The following HNRNPLL variants were observed in gnomAD, a reference collection of about 807,000 sequenced individuals.
HNRNPLL encodes the protein heterogeneous nuclear ribonucleoprotein L-like.
A neutral mutation model predicts 67.1 loss-of-function variants in HNRNPLL; 25 were observed. That is an observed-to-expected ratio of 0.37 (90% confidence interval 0.27 to 0.52). The LOEUF (loss-of-function observed/expected upper bound fraction) is 0.52. Ranked by LOEUF, HNRNPLL falls within the 20% of genes least tolerant of loss-of-function variation. HNRNPLL has a pLI of 0.90. For synonymous variants in HNRNPLL, 267 were observed against 241.7 expected (o/e 1.10, Z -0.97); for missense variants, 542 against 673.9 (o/e 0.80, Z 2.17).
At chr2:38,580,536 A>G (rs112253048) in intron 6 of HNRNPLL, among the ~76,000 whole-genome samples, 6 of 152,286 alleles carry the variant, frequency 3.9e-5, no homozygotes, top group African/African-American at 1.4e-4. Context: ...GGTATTTTGT[A>G]TGCCATAAAA....
At chr2:38,574,077 C>T (rs1224180594) in intron 7 of HNRNPLL, among the ~76,000 whole-genome samples, 1 of 151,900 alleles carries the variant, frequency 6.6e-6, no homozygotes, top group Non-Finnish European at 1.5e-5. Context: ...GCCTGAGTAT[C>T]TAAAACTATT....
chr2:38,584,544 C>T (rs1666651165), intron 3 of HNRNPLL, among the ~76,000 whole-genome samples: 1 of 152,038 alleles, frequency 6.6e-6, no homozygotes. Flanking sequence ...AATTAATAAA[C>T]CAAAACTATA....
intron 7 of HNRNPLL, among the ~76,000 whole-genome samples, chr2:38,576,796 C>T (rs1236104501): frequency 6.6e-6 from 1 of 151,858 alleles, no homozygotes; most frequent in African/African-American, 2.4e-5. Flanking sequence ...GAGTCAATAA[C>T]TACCACTAAA....
chr2:38,584,005 T>C, intron 3 of HNRNPLL, 79 bp from the exon 4 acceptor site: 1 of 566,812 alleles, frequency 1.8e-6, no homozygotes. Flanking sequence ...TTGTTTTACC[T>C]AAAAACTATC....
rs1207657483 is a variant in HNRNPLL, at chr2:38,563,791, A to AT, written c.*390dup. 2 of 157,402 alleles carry AT rather than the reference A, an allele frequency of 1.3e-5. No homozygotes were observed. The highest frequency in any genetic ancestry group is 6.5e-5 in the Admixed American group (1 of 15,446). The allele number at this position is 157,402 out of a possible 1,614,324, so 9.8% of individuals were successfully genotyped here. ...GCAACATACTTAAACATCTAAACAT[A>AT]TAATAGGAATTCTATATTAAAATGC... On this transcript the variant is annotated 3_prime_UTR_variant, in exon 13 of 13. Transcript: ENST00000449105.
chr2:38,602,134 A>G, intron 1 of HNRNPLL: 1 of 400,828 alleles, frequency 2.5e-6, no homozygotes. Context: ...CCGAGCCGCG[A>G]AACCCCCCAG....
intron 1 of HNRNPLL, among the ~76,000 whole-genome samples, chr2:38,601,209 T>C (rs571312605): frequency 3.9e-5 from 6 of 152,186 alleles, no homozygotes; most frequent in East Asian, 1.9e-4. Flanking sequence ...GTAACAAGAC[T>C]GAGAGAAAAA....
At chr2:38,596,139 T>C (rs1280569093) in intron 1 of HNRNPLL, among the ~76,000 whole-genome samples, 1 of 152,184 alleles carries the variant, frequency 6.6e-6, no homozygotes, top group African/African-American at 2.4e-5. Flanking sequence ...CCCAACTATT[T>C]GTCTACCATC....
chr2:38,568,529 T>C (rs1282466245), intron 10 of HNRNPLL, 86 bp from the exon 11 acceptor site: 2 of 794,256 alleles, frequency 2.5e-6, no homozygotes, highest in African/African-American at 3.5e-5. Context: ...TGGCAGAATT[T>C]AAGTTTTAAT....
chr2:38,580,176 C>A (rs1003517874), intron 6 of HNRNPLL, among the ~76,000 whole-genome samples: 3 of 151,996 alleles, frequency 2.0e-5, no homozygotes, highest in African/African-American at 7.3e-5. Flanking sequence ...AAAAACAAAA[C>A]CGAGTGGTCA....
chr2:38,562,608 T>C lies in HNRNPLL; in HGVS notation c.*1574A>G, dbSNP rs1252620949. The C allele has an allele frequency of 6.6e-6, 1 of 152,156 alleles. No homozygotes were observed. Among genetic ancestry groups the C allele is most frequent in the Non-Finnish European group, 1.5e-5 (1 of 68,002 alleles). The allele number at this position is 152,156 out of a possible 1,614,324, so 9.4% of individuals were successfully genotyped here. On this transcript the variant is annotated 3_prime_UTR_variant, in exon 13 of 13. Coordinates refer to ENST00000449105, the MANE Select transcript of HNRNPLL (RefSeq NM_138394.4). ...AAGTTAGATAAACTTAGGTATTAAATTGGCAATGAATAAGAAACATACATA... is the reference window on the plus strand; with the variant it reads ...AAGTTAGATAAACTTAGGTATTAAACTGGCAATGAATAAGAAACATACATA...
chr2:38,595,033 C>G (rs1667116477), intron 1 of HNRNPLL, among the ~76,000 whole-genome samples: 1 of 151,546 alleles, frequency 6.6e-6, no homozygotes, highest in African/African-American at 2.4e-5. Flanking sequence ...TCCTAGCACT[C>G]TGGGAGGCAG....
chr2:38,567,063 A>T (rs1252278809), intron 12 of HNRNPLL, among the ~76,000 whole-genome samples: 1 of 152,044 alleles, frequency 6.6e-6, no homozygotes, highest in East Asian at 1.9e-4. Flanking sequence ...AAGTGAAAAC[A>T]GCAAGACACA....
rs1010788985 is a variant in HNRNPLL, at chr2:38,600,935, A to C, written c.189+1503T>G. ...CTGTTTTCAAAAACAAATTTTTATA[A>C]TCTGATTTAAGTATCTTTCCAAAAT... On this transcript the variant is annotated intron_variant, in intron 1 of 12. Transcript: ENST00000449105. 2.0e-5 allele frequency among the ~76,000 whole-genome samples: 3 copies of C among 152,258 alleles called. No homozygotes were observed. In the East Asian group the frequency reaches 5.8e-4, roughly 29 times the overall value.
chr2:38,590,573 T>C (rs1018934773), intron 2 of HNRNPLL, among the ~76,000 whole-genome samples: 3 of 152,206 alleles, frequency 2.0e-5, no homozygotes, highest in Admixed American at 6.5e-5. Flanking sequence ...TTTTTAAGTG[T>C]CTATTTTTGG....
chr2:38,569,560 T>G (rs1350079985), intron 9 of HNRNPLL, among the ~76,000 whole-genome samples: 1 of 152,060 alleles, frequency 6.6e-6, no homozygotes, highest in Admixed American at 6.6e-5. Flanking sequence ...TTAGAAAACT[T>G]TAACATAAAA....
At chr2:38,576,490 C>G (rs1244108215) in intron 7 of HNRNPLL, among the ~76,000 whole-genome samples, 3 of 151,738 alleles carry the variant, frequency 2.0e-5, no homozygotes, top group Non-Finnish European at 4.4e-5. Flanking sequence ...TTTGACAAAA[C>G]AGAGATGGTT....
intron 1 of HNRNPLL, among the ~76,000 whole-genome samples, chr2:38,600,722 G>A (rs1044675796): frequency 1.3e-5 from 2 of 149,970 alleles, no homozygotes; most frequent in African/African-American, 4.9e-5. Context: ...CTGCACTCCA[G>A]CCCCGGGCCA....
At chr2:38,584,941 A>G (rs1666667012) in intron 3 of HNRNPLL, among the ~76,000 whole-genome samples, 2 of 151,958 alleles carry the variant, frequency 1.3e-5, no homozygotes, top group Admixed American at 6.6e-5. Flanking sequence ...ATAAGTCTAT[A>G]TTTAAAATAC....
Sources: allele counts gnomAD v4.1 joint callset (sites outside exome capture counted in the v4.1 genomes callset), GRCh38; gene constraint gnomAD v4.1.1; transcripts MANE v1.5; gene names NCBI Gene and HGNC (gene_info 2026-07-23, HGNC 2026-07-21).